PARVG: variants seen among roughly 807,000 people sequenced by gnomAD.
PARVG encodes parvin gamma, also known as gamma-parvin.
In PARVG, 36 loss-of-function variants were observed where a neutral mutation model predicts 44.4. The observed-to-expected ratio is 0.81, with a 90% CI of 0.62 to 1.07. The LOEUF (loss-of-function observed/expected upper bound fraction) is 1.07, where lower values mean the gene tolerates loss of function less well. PARVG is among the 50% of genes least tolerant of loss of function. The pLI, the probability that PARVG is intolerant of heterozygous loss-of-function variation, is 0.00. For synonymous variants in PARVG, 170 were observed against 174.1 expected (o/e 0.98, Z 0.19); for missense variants, 407 against 407.4 (o/e 1.00, Z 0.01).
At chr22:44,199,668 T>C (rs913120865) in intron 12 of PARVG, among the ~76,000 whole-genome samples, 1 of 152,158 alleles carries the variant, frequency 6.6e-6, no homozygotes, top group Non-Finnish European at 1.5e-5. Context: ...GGGCTTAGAA[T>C]AATCTCAAGG....
In PARVG at chr22:44,196,198, G is replaced by T; in HGVS notation, c.627G>T (p.Val209=). The change falls in exon 10 of 14, where the codon GTG becomes GTT. Residue 209 remains valine (V), a synonymous_variant. Transcript: ENST00000444313. The part of the protein sequence containing the change: ...DELFKLAPEK[V]NAVKEAIVNF... Reference sequence around the variant, plus strand: ...TATTTAAGCTGGCTCCGGAGAAAGTGAACGCAGTGAAAGAGGTAGGAGAGA... The same window carrying T: ...TATTTAAGCTGGCTCCGGAGAAAGTTAACGCAGTGAAAGAGGTAGGAGAGA... 1 of 1,614,194 alleles carries T rather than the reference G, an allele frequency of 6.2e-7. No individual in the cohort carries two copies. The highest frequency in any genetic ancestry group is 1.1e-5 in the South Asian group (1 of 91,072).
intron 4 of PARVG, 74 bp from the exon 5 acceptor site, chr22:44,187,702 G>C (rs2054492533): frequency 2.1e-6 from 3 of 1,410,470 alleles, no homozygotes; most frequent in African/African-American, 1.4e-5. Context: ...GCGAGAGGCA[G>C]GCATTCTGAG....
At position 44,183,377 on chromosome 22, in the gene PARVG, G is replaced by A. The variant is rs762230962; in HGVS notation, c.48G>A (p.Val16=). The change falls in exon 3 of 14, where the codon GTG becomes GTA. Residue 16 remains valine, a synonymous_variant. Transcript: ENST00000444313. ...LYDLLQLPKG[V]EPPAEEELSK... ...ACCTGCTGCAGCTCCCCAAGGGGGT[G>A]GAGCCCCCAGCGGAGGAGGAGCTCT... 4 of 1,608,910 alleles carry A rather than the reference G, an allele frequency of 2.5e-6. No individual in the cohort carries two copies. Among genetic ancestry groups the A allele is most frequent in the South Asian group, 1.1e-5 (1 of 89,750 alleles).
At chr22:44,199,273 C>A (rs760288201) in intron 12 of PARVG, among the ~76,000 whole-genome samples, 5 of 152,024 alleles carry the variant, frequency 3.3e-5, no homozygotes, top group Non-Finnish European at 5.9e-5. Context: ...ATATGTCTGT[C>A]TGTCCATCCA....
intron 12 of PARVG, among the ~76,000 whole-genome samples, chr22:44,201,730 G>A (rs891474990): frequency 3.1e-4 from 47 of 152,218 alleles, no homozygotes; most frequent in African/African-American, 1.1e-3. Context: ...GGTCGGCTGA[G>A]TTTAGCTGCT....
At chr22:44,180,506 C>T (rs1351761621), upstream of PARVG, among the ~76,000 whole-genome samples, 1 of 152,146 alleles carries the variant, frequency 6.6e-6, no homozygotes, top group Non-Finnish European at 1.5e-5. Context: ...ACACACGCCC[C>T]AGCAAAATAG....
At chr22:44,188,041 C>T (rs920735269) in intron 5 of PARVG, 163 bp downstream of exon 5, 14 of 726,218 alleles carry the variant, frequency 1.9e-5, no homozygotes, top group Admixed American at 1.1e-4. Context: ...GAGATGGAGG[C>T]GCTGTCCACA....
chr22:44,206,469 C>T lies in PARVG; in HGVS notation c.*43C>T. ...GCCCAGAGCCTGCCTGTCAGCCCAGCTGGAGGGCCCGAGGCTGCAGGGTGT... is the reference window on the plus strand; with the variant it reads ...GCCCAGAGCCTGCCTGTCAGCCCAGTTGGAGGGCCCGAGGCTGCAGGGTGT... On this transcript the variant is annotated 3_prime_UTR_variant, in exon 14 of 14. Coordinates refer to ENST00000444313, the MANE Select transcript of PARVG (RefSeq NM_022141.7). 6.3e-7 allele frequency: 1 copy of T among 1,577,160 alleles called. No homozygotes were observed. Among genetic ancestry groups the T allele is most frequent in the Non-Finnish European group, 8.7e-7 (1 of 1,146,888 alleles).
intron 3 of PARVG, 152 bp from the exon 4 acceptor site, chr22:44,185,656 G>C (rs1030945289): frequency 3.3e-6 from 2 of 608,516 alleles, no homozygotes; most frequent in Admixed American, 2.6e-5. Flanking sequence ...GCTGGTGTTC[G>C]TGAGGGAAAT....
chr22:44,175,563 G>C (rs1320137010), intron 1 of PARVG, among the ~76,000 whole-genome samples: 1 of 152,228 alleles, frequency 6.6e-6, no homozygotes, highest in African/African-American at 2.4e-5. Context: ...TCTTCACCAG[G>C]GTGAGGCTTT....
At chr22:44,177,985 T>A (rs1291054647), upstream of PARVG, among the ~76,000 whole-genome samples, 1 of 152,208 alleles carries the variant, frequency 6.6e-6, no homozygotes, top group Admixed American at 6.5e-5. Flanking sequence ...TGGAGTTACC[T>A]TTCCATCAGG....
intron 11 of PARVG, among the ~76,000 whole-genome samples, chr22:44,198,328 C>T (rs546040601): frequency 2.6e-5 from 4 of 152,336 alleles, no homozygotes; most frequent in South Asian, 2.1e-4. Flanking sequence ...CTGTTTTCCC[C>T]TGTGTTTCTG....
chr22:44,176,822 GCTGGAGAGGC>G (rs1270226889), upstream of PARVG, among the ~76,000 whole-genome samples: 2 of 152,178 alleles, frequency 1.3e-5, no homozygotes, highest in Non-Finnish European at 2.9e-5. Flanking sequence ...GTTCCACATG[GCTGGAGAGGC>G]CTCACAATGA....
At chr22:44,194,551 C>T (rs1396136787) in intron 9 of PARVG, among the ~76,000 whole-genome samples, 4 of 151,954 alleles carry the variant, frequency 2.6e-5, no homozygotes, top group Admixed American at 1.3e-4. Context: ...ATTCATCTAT[C>T]CACCCACCCA....
In PARVG at chr22:44,196,327, C is replaced by CCTTGTT. The variant is rs770857721; in HGVS notation, c.643-16_643-11dup. Reference sequence around the variant, plus strand: ...CCATCACACCTGCTGTGTGCTAGGCCCTTGTTCTTCCCTGGTTAGGCCATC... The same window carrying CCTTGTT: ...CCATCACACCTGCTGTGTGCTAGGCCCTTGTTCTTGTTCTTCCCTGGTTAGGCCATC... On this transcript the variant is annotated intron_variant, in intron 10 of 13. Transcript: ENST00000444313. 2.2e-4 allele frequency: 357 copies of CCTTGTT among 1,614,178 alleles called. 6 individuals carry two copies. The East Asian group carries it at 7.6e-3, about 34-fold the overall frequency.
rs757591415 is a variant in PARVG, at chr22:44,206,417, C to T, written c.987C>T (p.Ala329=). The T allele has an allele frequency of 2.5e-6, 4 of 1,613,768 alleles. No individual in the cohort carries two copies. Among genetic ancestry groups the T allele is most frequent in the Admixed American group, 3.3e-5 (2 of 60,000 alleles). Residue 329 remains alanine (A), a synonymous_variant, in exon 14 of 14, where the codon GCC becomes GCT. Transcript: ENST00000444313. The stretch of plus-strand genomic sequence containing the variant: ...ACAGGGACAGGACGCCCCATGGAGC[C>T]CCGAATTGACCCTCACTGCCTCCAA... ...KAHRDRTPHG[A]PN
At chr22:44,186,495 T>C (rs2147222880) in intron 4 of PARVG, 1 of 465,796 alleles carries the variant, frequency 2.1e-6, no homozygotes, top group Non-Finnish European at 4.5e-6. Flanking sequence ...CCATCTTCCA[T>C]ACCCAGAGGC....
intron 12 of PARVG, 23 bp from the exon 13 acceptor site, chr22:44,205,734 C>G: frequency 6.2e-7 from 1 of 1,613,216 alleles, no homozygotes; most frequent in South Asian, 1.1e-5. Flanking sequence ...GTGCCCACAT[C>G]TGATAGGGCC....
chr22:44,207,163 A>G lies in PARVG; in HGVS notation c.*737A>G, dbSNP rs2054791998. 1 of 146,200 alleles carries G rather than the reference A, an allele frequency of 6.8e-6. No homozygotes were observed. Among genetic ancestry groups the G allele is most frequent in the African/African-American group, 2.6e-5 (1 of 38,806 alleles). The allele number at this position is 146,200 out of a possible 1,614,324, so 9.1% of individuals were successfully genotyped here. ...AAGAAGAGTCGTGTGGGAGAATTGCACATAGTCAGTCCAGGGCATCCAGAG... is the reference window on the plus strand; with the variant it reads ...AAGAAGAGTCGTGTGGGAGAATTGCGCATAGTCAGTCCAGGGCATCCAGAG... On this transcript the variant is annotated 3_prime_UTR_variant, in exon 14 of 14. Transcript: ENST00000444313.
Sources: gnomAD v4.1 joint callset for allele counts (sites outside exome capture counted in the v4.1 genomes callset) on GRCh38, gnomAD v4.1.1 for gene constraint, MANE v1.5 for transcripts, NCBI Gene and HGNC (gene_info 2026-07-23, HGNC 2026-07-21) for gene names.